Variants in GABRB1 observed in about 807,000 individuals in gnomAD.
GABRB1 encodes gamma-aminobutyric acid type A receptor subunit beta1.
A neutral mutation model predicts 51.6 loss-of-function variants in GABRB1; 17 were observed. The observed-to-expected ratio is 0.33, with a 90% CI of 0.23 to 0.49. GABRB1 has a LOEUF of 0.49. Among genes scored for constraint, GABRB1 ranks in the 20% least tolerant of loss-of-function variants. GABRB1 has a pLI of 0.99. For missense variants in GABRB1, 410 were observed against 600.6 expected (o/e 0.68, Z 3.32); for synonymous variants, 247 against 218.9 (o/e 1.13, Z -1.14).
intron 4 of GABRB1, among the ~76,000 whole-genome samples, chr4:47,317,879 C>T (rs1724947835): frequency 6.6e-6 from 1 of 151,858 alleles, no homozygotes; most frequent in African/African-American, 2.4e-5. Flanking sequence ...GTGAATCATC[C>T]TTGTATCCCA....
chr4:47,028,066 GA>G (rs1725158170), upstream of GABRB1, among the ~76,000 whole-genome samples: 1 of 151,660 alleles, frequency 6.6e-6, no homozygotes, highest in Non-Finnish European at 1.5e-5. Context: ...ACCAACAAGT[GA>G]AAATGGTACT....
chr4:46,999,707 A>C (rs1268111679), intron 1 of GABRB1, among the ~76,000 whole-genome samples: 1 of 152,248 alleles, frequency 6.6e-6, no homozygotes, highest in Non-Finnish European at 1.5e-5. Context: ...AAAAAAAGAA[A>C]CAGTGCTAAA....
chr4:47,006,019 A>G (rs1438889208), intron 1 of GABRB1, among the ~76,000 whole-genome samples: 2 of 150,988 alleles, frequency 1.3e-5, no homozygotes, highest in East Asian at 3.9e-4. Flanking sequence ...ACATCTTCTA[A>G]TAAAGAAGCA....
At chr4:47,056,523 A>G (rs949484542) in intron 3 of GABRB1, among the ~76,000 whole-genome samples, 2 of 152,126 alleles carry the variant, frequency 1.3e-5, no homozygotes, top group Admixed American at 6.5e-5. Flanking sequence ...TTTTTTCTCT[A>G]CCTTAATCAT....
chr4:47,375,377 C>A (rs1727342368), intron 5 of GABRB1, among the ~76,000 whole-genome samples: 1 of 152,136 alleles, frequency 6.6e-6, no homozygotes, highest in African/African-American at 2.4e-5. Flanking sequence ...GTAATAGAGA[C>A]AGAAAACAGG....
At chr4:47,422,802 A>G (rs189588976) in intron 8 of GABRB1, among the ~76,000 whole-genome samples, 70 of 152,230 alleles carry the variant, frequency 4.6e-4, no homozygotes, top group Non-Finnish European at 5.9e-4. Context: ...TTTCCACCCT[A>G]TACATGCAAC....
chr4:47,146,351 G>A (rs556686074), intron 3 of GABRB1, among the ~76,000 whole-genome samples: 10 of 151,646 alleles, frequency 6.6e-5, no homozygotes, highest in African/African-American at 2.4e-4. Context: ...TCATGATAAT[G>A]CGTCTTTGTA....
At chr4:47,262,735 A>T (rs1431051380) in intron 4 of GABRB1, among the ~76,000 whole-genome samples, 2 of 152,184 alleles carry the variant, frequency 1.3e-5, no homozygotes, top group Non-Finnish European at 2.9e-5. Context: ...CTATAAAGAC[A>T]CATGCACACA....
At chr4:47,257,783 C>T (rs73150164) in intron 4 of GABRB1, among the ~76,000 whole-genome samples, 2,609 of 151,830 alleles carry the variant, frequency 0.017, 81 homozygotes, top group African/African-American at 0.059. Flanking sequence ...TTACTTTGTT[C>T]TAAGTGACCA....
chr4:47,161,380 G>A lies in GABRB1; in HGVS notation c.372G>A (p.Leu124=). ...TCTGGGTACCAGACACCTACTTTCT[G>A]AATGACAAGAAATCATTTGTGCATG... ...DQLWVPDTYF[L]NDKKSFVHGV... Residue 124 remains leucine, a synonymous_variant, in exon 4 of 9, where the codon CTG becomes CTA. Transcript: ENST00000295454. 6.2e-7 allele frequency: 1 copy of A among 1,612,814 alleles called. No individual in the cohort carries two copies. Among genetic ancestry groups the A allele is most frequent in the East Asian group, 2.2e-5 (1 of 44,822 alleles).
At chr4:47,130,003 G>A (rs1716335383) in intron 3 of GABRB1, among the ~76,000 whole-genome samples, 1 of 152,248 alleles carries the variant, frequency 6.6e-6, no homozygotes, top group Non-Finnish European at 1.5e-5. Context: ...TTTTCGCAAA[G>A]TATATGTTGA....
intron 4 of GABRB1, among the ~76,000 whole-genome samples, chr4:47,270,726 A>C (rs1722840703): frequency 6.6e-6 from 1 of 151,258 alleles, no homozygotes; most frequent in Non-Finnish European, 1.5e-5. Context: ...TTGTCTTCAA[A>C]AATAACCTTT....
intron 3 of GABRB1, among the ~76,000 whole-genome samples, chr4:47,083,192 A>G (rs1218639632): frequency 6.6e-6 from 1 of 152,130 alleles, no homozygotes; most frequent in East Asian, 1.9e-4. Flanking sequence ...CTTGTAATTG[A>G]TGGGTTCTCA....
chr4:47,141,305 G>C (rs1277090040), intron 3 of GABRB1, among the ~76,000 whole-genome samples: 1 of 151,754 alleles, frequency 6.6e-6, no homozygotes, highest in Non-Finnish European at 1.5e-5. Flanking sequence ...TCAGCTTCTT[G>C]GTCTACATGA....
chr4:47,174,442 C>G (rs947012784), intron 4 of GABRB1, among the ~76,000 whole-genome samples: 1 of 152,126 alleles, frequency 6.6e-6, no homozygotes. Flanking sequence ...CTTCCAACTT[C>G]TATAACTACT....
At chr4:47,105,766 G>A (rs1442107266) in intron 3 of GABRB1, among the ~76,000 whole-genome samples, 1 of 152,062 alleles carries the variant, frequency 6.6e-6, no homozygotes, top group Non-Finnish European at 1.5e-5. Flanking sequence ...TGCCATTAGG[G>A]AGGCTTTCCC....
At chr4:47,196,644 A>G (rs1441122883) in intron 4 of GABRB1, among the ~76,000 whole-genome samples, 1 of 152,230 alleles carries the variant, frequency 6.6e-6, no homozygotes, top group Admixed American at 6.5e-5. Flanking sequence ...GTGATGGTGT[A>G]TAAGGACTAG....
intron 5 of GABRB1, among the ~76,000 whole-genome samples, chr4:47,370,404 T>C (rs1480424552): frequency 6.6e-6 from 1 of 151,832 alleles, no homozygotes; most frequent in Non-Finnish European, 1.5e-5. Context: ...GGAGAATCGC[T>C]TGAGCCTGGA....
chr4:47,177,252 T>C (rs1718740835), intron 4 of GABRB1, among the ~76,000 whole-genome samples: 1 of 152,102 alleles, frequency 6.6e-6, no homozygotes, highest in Non-Finnish European at 1.5e-5. Flanking sequence ...ACAGATCAGA[T>C]GGAATATAGT....
Sources: allele counts gnomAD v4.1 joint callset (sites outside exome capture counted in the v4.1 genomes callset), GRCh38; gene constraint gnomAD v4.1.1; transcripts MANE v1.5; gene names NCBI Gene and HGNC (gene_info 2026-07-23, HGNC 2026-07-21).